The following RPL22 variants were observed in gnomAD, a reference collection of about 807,000 sequenced individuals.
RPL22 encodes the protein large ribosomal subunit protein eL22.
Under a neutral mutation model 16.2 loss-of-function variants are expected in RPL22, and 4 were observed. The observed-to-expected ratio is 0.25, with a 90% CI of 0.12 to 0.57. The LOEUF (loss-of-function observed/expected upper bound fraction) is 0.57, where lower values mean the gene tolerates loss of function less well. Among genes scored for constraint, RPL22 ranks in the 20% least tolerant of loss-of-function variants. RPL22 has a pLI of 0.92. For missense variants in RPL22, 83 were observed against 156.1 expected (o/e 0.53, Z 2.49); for synonymous variants, 43 against 54.8 (o/e 0.78, Z 0.95).
At chr1:6,189,624 A>AAAAAAAAAAAC (rs1209681331) in intron 3 of RPL22, among the ~76,000 whole-genome samples, 33 of 151,776 alleles carry the variant, frequency 2.2e-4, no homozygotes, top group African/African-American at 7.5e-4. Flanking sequence ...AAAAAAAAAA[A>AAAAAAAAAAAC]AAAACCCTGT....
At chr1:6,196,754 CA>C (rs1667722853) in intron 2 of RPL22, among the ~76,000 whole-genome samples, 1 of 146,564 alleles carries the variant, frequency 6.8e-6, no homozygotes, top group Non-Finnish European at 1.5e-5. Flanking sequence ...AATACAGGGG[CA>C]AAAAATCAGC....
chr1:6,199,374 G>A (rs1006336949), intron 1 of RPL22, 188 bp downstream of exon 1: 93 of 1,327,296 alleles, frequency 7.0e-5, no homozygotes, highest in Non-Finnish European at 9.0e-5. Context: ...ACGAGCCTCG[G>A]GCCGCGGCCT....
rs1184754765 is a variant in RPL22, at chr1:6,185,776, G to A, written c.*896C>T. On this transcript the variant is annotated 3_prime_UTR_variant, in exon 4 of 4. Coordinates refer to ENST00000234875, the MANE Select transcript of RPL22 (RefSeq NM_000983.4). ...AGCCTCTGCACTGTGGCACACCACT[G>A]ACATTAAATCCAGTCATGGCCTAAG... 1 of 235,930 alleles carries A rather than the reference G, an allele frequency of 4.2e-6. No individual in the cohort carries two copies. Among genetic ancestry groups the A allele is most frequent in the Non-Finnish European group, 8.3e-6 (1 of 120,244 alleles). The allele number at this position is 235,930 out of a possible 1,614,324, so 14.6% of individuals were successfully genotyped here.
At chr1:6,197,548 A>C in intron 2 of RPL22, 104 bp downstream of exon 2, 1 of 706,530 alleles carries the variant, frequency 1.4e-6, no homozygotes, top group Non-Finnish European at 2.5e-6. Flanking sequence ...CAGACCTGTG[A>C]AGCTGCCTAT....
chr1:6,192,947 C>G lies in RPL22; in HGVS notation c.225G>C (p.Glu75Asp). 1 of 1,613,408 alleles carries G rather than the reference C, an allele frequency of 6.2e-7. No homozygotes were observed. ...TCCTGTACCTTTTGGAGAAAGGCAC[C>G]TCGGATGTCACGGTGATCTTGCTCT... is the stretch of plus-strand genomic sequence containing the variant. ...RSKSKITVTSEVPFSKRYLKY... is the reference protein window; with the variant it reads ...RSKSKITVTSDVPFSKRYLKY... Residue 75 changes from glutamate to aspartate, a missense_variant, in exon 3 of 4, where the codon GAG (glutamate) becomes GAC (aspartate). Transcript: ENST00000234875.
At chr1:6,199,321 C>T (rs1218510841) in intron 1 of RPL22, 2 of 1,186,144 alleles carry the variant, frequency 1.7e-6, no homozygotes, top group African/African-American at 3.2e-5. Flanking sequence ...CCGCTAGCCC[C>T]TAGCTGGGGC....
intron 3 of RPL22, among the ~76,000 whole-genome samples, chr1:6,191,570 G>C (rs1667651490): frequency 6.6e-6 from 1 of 151,418 alleles, no homozygotes. Flanking sequence ...AGCTACTCGG[G>C]AGGCTGAGGC....
chr1:6,190,667 GCTC>G (rs1260731894), intron 3 of RPL22, among the ~76,000 whole-genome samples: 1 of 152,146 alleles, frequency 6.6e-6, no homozygotes, highest in East Asian at 1.9e-4. Flanking sequence ...ATGATTAAAA[GCTC>G]CTAACAGGCC....
intron 3 of RPL22, among the ~76,000 whole-genome samples, chr1:6,191,414 T>A (rs1269872958): frequency 1.6e-5 from 2 of 126,578 alleles, no homozygotes; most frequent in Admixed American, 1.7e-4. Flanking sequence ...ACGCCTGTAA[T>A]CCCAGCACTC....
rs145746203 is a variant in RPL22, at chr1:6,194,458, G to C, written c.118-1404C>G. On this transcript the variant is annotated intron_variant, in intron 2 of 3. Transcript: ENST00000234875. ...CAAACTACTGTGTGGGCCTCAGCAAGACATTCACCTCCTTGTGCTTCAGAA... is the reference window on the plus strand; with the variant it reads ...CAAACTACTGTGTGGGCCTCAGCAACACATTCACCTCCTTGTGCTTCAGAA... Among the ~76,000 whole-genome samples the C allele has an allele frequency of 3.0e-3, 459 of 152,344 alleles. 2 individuals carry two copies. The highest frequency in any genetic ancestry group is 9.5e-3 in the African/African-American group (395 of 41,586).
At chr1:6,190,677 G>A (rs1203851520) in intron 3 of RPL22, among the ~76,000 whole-genome samples, 1 of 152,128 alleles carries the variant, frequency 6.6e-6, no homozygotes, top group Non-Finnish European at 1.5e-5. Context: ...GCTCCTAACA[G>A]GCCACAGCCC....
chr1:6,199,316 A>C, intron 1 of RPL22: 2 of 1,064,720 alleles, frequency 1.9e-6, no homozygotes, highest in Non-Finnish European at 1.2e-6. Context: ...GCTCCCCGCT[A>C]GCCCCTAGCT....
intron 3 of RPL22, among the ~76,000 whole-genome samples, chr1:6,190,057 T>C (rs1667630673): frequency 6.6e-6 from 1 of 152,240 alleles, no homozygotes; most frequent in African/African-American, 2.4e-5. Flanking sequence ...TTAAGGCACC[T>C]TCCCTACTCC....
At position 6,185,143 on chromosome 1, in the gene RPL22, GGACTAGTT is replaced by G. The variant is rs1667568062; in HGVS notation, c.*1521_*1528del. The G allele has an allele frequency of 2.5e-6, 1 of 393,940 alleles. No individual in the cohort carries two copies. The highest frequency in any genetic ancestry group is 2.1e-5 in the African/African-American group (1 of 48,558). 24.4% of individuals were successfully genotyped at this position (393,940 alleles called of 1,614,324 possible). Reference sequence around the variant, plus strand: ...ATTTTATTACAAGTTTTCAAATCTGGGACTAGTTTCTTTTTTTCTTTTAACTGAAATGC... The same window carrying G: ...ATTTTATTACAAGTTTTCAAATCTGGTCTTTTTTTCTTTTAACTGAAATGC... On this transcript the variant is annotated 3_prime_UTR_variant, in exon 4 of 4. Coordinates refer to ENST00000234875, the MANE Select transcript of RPL22 (RefSeq NM_000983.4).
intron 3 of RPL22, among the ~76,000 whole-genome samples, chr1:6,187,706 A>G (rs1205118569): frequency 1.3e-5 from 2 of 152,178 alleles, no homozygotes; most frequent in Admixed American, 6.5e-5. Context: ...CACCTATAAC[A>G]TGGTTTTTAG....
rs1275413059 is a variant in RPL22 at position 6,197,780 on chromosome 1, C to T, written c.13-24G>A. The T allele has an allele frequency of 2.7e-6, 4 of 1,496,096 alleles. No individual in the cohort carries two copies. In the East Asian group the frequency reaches 6.8e-5, roughly 25 times the overall value. 92.7% of individuals were successfully genotyped at this position (1,496,096 alleles called of 1,614,324 possible). On this transcript the variant is annotated intron_variant, in intron 1 of 3. Coordinates refer to ENST00000234875, the MANE Select transcript of RPL22 (RefSeq NM_000983.4). ...TTCTAAGAAAATACACAAATGATAACAGAGATGAAGTTTCAGTCAGTCGGA... is the reference window on the plus strand; with the variant it reads ...TTCTAAGAAAATACACAAATGATAATAGAGATGAAGTTTCAGTCAGTCGGA...
At chr1:6,199,503 G>C (rs1049530716) in intron 1 of RPL22, 59 bp downstream of exon 1, 25 of 1,543,730 alleles carry the variant, frequency 1.6e-5, no homozygotes, top group Non-Finnish European at 2.2e-5. Context: ...TAGATGCCGG[G>C]CTCGGCGAGG....
chr1:6,185,555 A>G lies in RPL22; in HGVS notation c.*1117T>C. The G allele has an allele frequency of 2.5e-6, 1 of 395,210 alleles. No individual in the cohort carries two copies. 24.5% of individuals were successfully genotyped at this position (395,210 alleles called of 1,614,324 possible). A position where few individuals can be genotyped will look rare whatever the true frequency, so the allele number is the denominator to read the frequency against. ...CCAGCTATGCAACTCGCAGGGCACA[A>G]TTTCAAGTGTGGAAACCATCTGTAG... On this transcript the variant is annotated 3_prime_UTR_variant, in exon 4 of 4. Coordinates refer to ENST00000234875, the MANE Select transcript of RPL22 (RefSeq NM_000983.4).
rs565500963 is a variant in RPL22 at position 6,199,201 on chromosome 1, G to A, written c.12+361C>T. On this transcript the variant is annotated intron_variant, in intron 1 of 3. Coordinates refer to ENST00000234875, the MANE Select transcript of RPL22 (RefSeq NM_000983.4). ...GACTTCCGAATGCGCGGCTCCCCAG[G>A]GTAGCAGGTCCCGTTCTTCTTCCCC... is the stretch of plus-strand genomic sequence containing the variant. 1.1e-3 allele frequency: 295 copies of A among 277,546 alleles called. 1 individual carries two copies. Among genetic ancestry groups the A allele is most frequent in the Non-Finnish European group, 1.7e-3 (255 of 151,532 alleles). The allele number at this position is 277,546 out of a possible 1,614,324, so 17.2% of individuals were successfully genotyped here.
Sources: allele counts gnomAD v4.1 joint callset (sites outside exome capture counted in the v4.1 genomes callset), GRCh38; gene constraint gnomAD v4.1.1; transcripts MANE v1.5; gene names NCBI Gene and HGNC (gene_info 2026-07-23, HGNC 2026-07-21).